OCA2: variants seen among roughly 807,000 people sequenced by gnomAD.
The protein encoded by OCA2 is P protein.
OCA2 carries 77 observed loss-of-function variants against 100.2 expected under a neutral mutation model. The ratio of observed to expected loss-of-function variants is 0.77; its 90% confidence interval spans 0.64 to 0.93. The LOEUF (loss-of-function observed/expected upper bound fraction) is 0.93, where lower values mean the gene tolerates loss of function less well. Among genes scored for constraint, OCA2 ranks in the 40% least tolerant of loss-of-function variants. The pLI is 0.00. For synonymous variants in OCA2, 432 were observed against 439.2 expected (o/e 0.98, Z 0.21); for missense variants, 1,062 against 1,089.1 (o/e 0.98, Z 0.35).
intron 9 of OCA2, among the ~76,000 whole-genome samples, chr15:28,013,256 A>G (rs1342863893): frequency 6.6e-6 from 1 of 152,190 alleles, no homozygotes; most frequent in African/African-American, 2.4e-5. Context: ...TGAGGAACCC[A>G]GCACTGAATC....
intron 2 of OCA2, among the ~76,000 whole-genome samples, chr15:28,072,600 A>AAC (rs1220275961): frequency 3.3e-5 from 5 of 151,598 alleles, no homozygotes; most frequent in African/African-American, 1.2e-4. Flanking sequence ...AAAAAAAAAA[A>AAC]AAAAAAAAAC....
chr15:27,954,792 C>T (rs2040162830), intron 17 of OCA2, among the ~76,000 whole-genome samples: 1 of 152,222 alleles, frequency 6.6e-6, no homozygotes. Flanking sequence ...CCTAAAGCTG[C>T]TCCACTTCAT....
intron 18 of OCA2, among the ~76,000 whole-genome samples, chr15:27,943,832 C>T (rs2039737634): frequency 1.3e-5 from 2 of 152,134 alleles, no homozygotes; most frequent in Admixed American, 1.3e-4. Context: ...TATCCTGCCC[C>T]CTGCTTCGAG....
At chr15:27,832,366 C>A (rs922934414) in intron 23 of OCA2, among the ~76,000 whole-genome samples, 2 of 152,236 alleles carry the variant, frequency 1.3e-5, no homozygotes, top group Non-Finnish European at 2.9e-5. Flanking sequence ...AGAAAAATCG[C>A]ATTGCAAGCT....
chr15:27,938,986 G>T (rs2039555183), intron 18 of OCA2, among the ~76,000 whole-genome samples: 1 of 152,090 alleles, frequency 6.6e-6, no homozygotes, highest in South Asian at 2.1e-4. Context: ...GTACCATAGG[G>T]GTCTCTCAGC....
intron 19 of OCA2, among the ~76,000 whole-genome samples, chr15:27,897,434 G>T (rs2037752149): frequency 6.6e-6 from 1 of 152,152 alleles, no homozygotes; most frequent in Non-Finnish European, 1.5e-5. Flanking sequence ...TCCAGCCATG[G>T]CTAAAAGGAG....
At chr15:27,720,518 A>T in the OCA2 span, among the ~76,000 whole-genome samples, 1 of 151,024 alleles carries the variant, frequency 6.6e-6, no homozygotes, top group Non-Finnish European at 1.5e-5. Context: ...CTGTATAAAT[A>T]TATTCATCTA....
At chr15:27,936,771 C>A (rs1294392638) in intron 18 of OCA2, among the ~76,000 whole-genome samples, 1 of 152,116 alleles carries the variant, frequency 6.6e-6, no homozygotes, top group Non-Finnish European at 1.5e-5. Context: ...CCCAAGATAC[C>A]CGCTGTAGCT....
chr15:27,805,850 C>T (rs2033821371), intron 23 of OCA2, among the ~76,000 whole-genome samples: 2 of 152,280 alleles, frequency 1.3e-5, no homozygotes, highest in South Asian at 4.1e-4. Flanking sequence ...GAGACCCTCA[C>T]ACGCCCGGGG....
At chr15:27,839,563 C>G (rs1203433824) in intron 23 of OCA2, among the ~76,000 whole-genome samples, 1 of 152,154 alleles carries the variant, frequency 6.6e-6, no homozygotes, top group Non-Finnish European at 1.5e-5. Flanking sequence ...TTAAGCATGA[C>G]AGAGGGGATG....
chr15:27,772,840 C>CAAAA lies in OCA2; in HGVS notation c.2433-17372_2433-17369dup, dbSNP rs55814100. 8.0e-3 allele frequency among the ~76,000 whole-genome samples: 985 copies of CAAAA among 122,744 alleles called. 15 individuals carry two copies. Among genetic ancestry groups the CAAAA allele is most frequent in the African/African-American group, 0.025 (823 of 32,702 alleles). 80.5% of individuals were successfully genotyped at this position (122,744 alleles called of 152,430 possible). A position where few individuals can be genotyped will look rare whatever the true frequency, so the allele number is the denominator to read the frequency against. ...TGCGTGACAGAGGGAGACTCTATCT[C>CAAAA]AAAAAAAAAAAAAAGGAAAAAAAGA... is the stretch of plus-strand genomic sequence containing the variant. On this transcript the variant is annotated intron_variant, in intron 23 of 23. Coordinates refer to ENST00000354638, the MANE Select transcript of OCA2 (RefSeq NM_000275.3).
chr15:27,743,714 A>G, the OCA2 span, among the ~76,000 whole-genome samples: 1 of 152,158 alleles, frequency 6.6e-6, no homozygotes, highest in Non-Finnish European at 1.5e-5. Context: ...TCGATCAAAT[A>G]TCCTTGCTCT....
At chr15:27,769,891 G>A (rs1388055254) in intron 23 of OCA2, among the ~76,000 whole-genome samples, 1 of 137,734 alleles carries the variant, frequency 7.3e-6, no homozygotes. Context: ...GCCTCGGCCT[G>A]TGTGCAGCGC....
At chr15:27,855,509 G>A (rs569389577) in intron 21 of OCA2, among the ~76,000 whole-genome samples, 16 of 152,318 alleles carry the variant, frequency 1.1e-4, no homozygotes, top group Middle Eastern at 3.4e-3. Flanking sequence ...AGAGGCTTGG[G>A]CATCTCTCCT....
At chr15:27,801,954 CA>C (rs1401160475) in intron 23 of OCA2, among the ~76,000 whole-genome samples, 1 of 151,972 alleles carries the variant, frequency 6.6e-6, no homozygotes, top group African/African-American at 2.4e-5. Flanking sequence ...ATAGCCAATG[CA>C]TTTTACTGGA....
At chr15:27,919,615 G>A (rs1191760067) in intron 19 of OCA2, among the ~76,000 whole-genome samples, 2 of 152,162 alleles carry the variant, frequency 1.3e-5, no homozygotes, top group African/African-American at 4.8e-5. Flanking sequence ...CCAGGGGCTG[G>A]GGGAGAAGAA....
At chr15:27,970,512 G>A (rs2040739903) in intron 14 of OCA2, among the ~76,000 whole-genome samples, 1 of 152,080 alleles carries the variant, frequency 6.6e-6, no homozygotes, top group South Asian at 2.1e-4. Flanking sequence ...GAAGGTCCCA[G>A]CACACACAGC....
intron 23 of OCA2, among the ~76,000 whole-genome samples, chr15:27,838,080 C>T (rs534038224): frequency 1.3e-4 from 20 of 152,120 alleles, no homozygotes; most frequent in African/African-American, 4.3e-4. Flanking sequence ...AATCTAAATA[C>T]GGAAGCTGGT....
chr15:27,814,156 A>G (rs1448304932), intron 23 of OCA2, among the ~76,000 whole-genome samples: 2 of 152,166 alleles, frequency 1.3e-5, no homozygotes, highest in African/African-American at 2.4e-5. Context: ...TTTCTATTTA[A>G]CTATGTATTT....
Sources: gnomAD v4.1 joint callset for allele counts (sites outside exome capture counted in the v4.1 genomes callset) on GRCh38, gnomAD v4.1.1 for gene constraint, MANE v1.5 for transcripts, NCBI Gene and HGNC (gene_info 2026-07-23, HGNC 2026-07-21) for gene names.